The following FAM53A variants were observed in gnomAD, a reference collection of about 807,000 sequenced individuals.
The protein encoded by FAM53A is protein FAM53A.
A neutral mutation model predicts 26.6 loss-of-function variants in FAM53A; 28 were observed. The ratio of observed to expected loss-of-function variants is 1.05; its 90% confidence interval spans 0.78 to 1.45. The LOEUF (loss-of-function observed/expected upper bound fraction) is 1.45, where lower values mean the gene tolerates loss of function less well. Ranked by LOEUF, FAM53A falls within the 40% of genes most tolerant of loss-of-function variation. The pLI is 0.00. For synonymous variants in FAM53A, 290 were observed against 253.1 expected, an observed-to-expected ratio of 1.15 and a Z score of -1.38; for missense variants, 650 against 575.8, an observed-to-expected ratio of 1.13 and a Z score of -1.32.
intron 1 of FAM53A, among the ~76,000 whole-genome samples, chr4:1,677,783 A>G (rs544884257): frequency 6.6e-6 from 1 of 152,090 alleles, no homozygotes; most frequent in African/African-American, 2.4e-5. Context: ...CATCTCTACT[A>G]AAAATACAAA....
At chr4:1,621,101 C>CTTTTTTTTTTTTTTTTTT (rs574102929) in intron 1 of FAM53A, among the ~76,000 whole-genome samples, 10 of 95,522 alleles carry the variant, frequency 1.0e-4, no homozygotes, top group East Asian at 3.2e-4. Flanking sequence ...AGCTACGCTA[C>CTTTTTTTTTTTTTTTTTT]TTTTTTTTTT....
At chr4:1,644,400 G>GA (rs765520268) in intron 4 of FAM53A, 156 of 1,519,262 alleles carry the variant, frequency 1.0e-4, no homozygotes, top group Non-Finnish European at 1.3e-4. Context: ...CGGTGCAGGA[G>GA]AAAAAACTTC....
At chr4:1,602,621 G>A in the FAM53A span, among the ~76,000 whole-genome samples, 1 of 152,324 alleles carries the variant, frequency 6.6e-6, no homozygotes, top group Admixed American at 6.5e-5. Flanking sequence ...TTCAAAGCTG[G>A]GGGGAGAGAA....
At chr4:1,644,144 C>G in intron 4 of FAM53A, 2 of 1,521,916 alleles carry the variant, frequency 1.3e-6, no homozygotes, top group Non-Finnish European at 1.8e-6. Flanking sequence ...ACAGCACCAC[C>G]AGGCTGCACT....
chr4:1,595,840 T>C, the FAM53A span, among the ~76,000 whole-genome samples: 1 of 152,096 alleles, frequency 6.6e-6, no homozygotes, highest in Non-Finnish European at 1.5e-5. Flanking sequence ...CTTTGTCTCT[T>C]CCTCTCTTGT....
chr4:1,663,227 A>G (rs557280085), intron 2 of FAM53A, among the ~76,000 whole-genome samples: 2 of 152,320 alleles, frequency 1.3e-5, no homozygotes, highest in South Asian at 4.1e-4. Flanking sequence ...GAACTCTCAT[A>G]CATTGCTGCA....
intron 1 of FAM53A, among the ~76,000 whole-genome samples, chr4:1,669,761 GC>G (rs1337394777): frequency 6.6e-6 from 1 of 152,248 alleles, no homozygotes; most frequent in African/African-American, 2.4e-5. Flanking sequence ...CTCAGCAGCA[GC>G]CCTCTGCCCT....
chr4:1,664,702 G>C (rs1191374570), intron 2 of FAM53A, among the ~76,000 whole-genome samples: 2 of 152,310 alleles, frequency 1.3e-5, no homozygotes, highest in East Asian at 3.9e-4. Flanking sequence ...TCCTGGCCAG[G>C]CACGGTGGCT....
At position 1,656,218 on chromosome 4, in the gene FAM53A, T is replaced by A. The variant is rs147407979; in HGVS notation, c.137-495A>T. On this transcript the variant is annotated intron_variant, in intron 3 of 4. Transcript: ENST00000308132. ...CAGGGAGAGTCTGAGCCCCAGAAAC[T>A]CCTCACAAACCTCAGAGCCACCAGG... 1.8e-3 allele frequency among the ~76,000 whole-genome samples: 275 copies of A among 152,106 alleles called. 5 individuals are homozygous for A. In the East Asian group the frequency reaches 0.049, roughly 27 times the overall value.
chr4:1,639,470 C>T (rs2108795121), downstream of FAM53A, among the ~76,000 whole-genome samples: 1 of 152,324 alleles, frequency 6.6e-6, no homozygotes, highest in East Asian at 1.9e-4. Flanking sequence ...GAGCAGGTGA[C>T]ACTCTCTTGA....
chr4:1,625,975 AATCCTCCACAGG>A (rs1372154225), intron 1 of FAM53A, among the ~76,000 whole-genome samples: 1 of 152,172 alleles, frequency 6.6e-6, no homozygotes, highest in Admixed American at 6.5e-5. Flanking sequence ...CGCCCATCAG[AATCCTCCACAGG>A]ATCCTCTGCA....
the FAM53A span, among the ~76,000 whole-genome samples, chr4:1,596,909 G>A: frequency 2.0e-5 from 3 of 152,178 alleles, no homozygotes; most frequent in African/African-American, 7.2e-5. Flanking sequence ...GAGAAACGGA[G>A]GAGAGGGAGA....
At chr4:1,609,086 T>G in the FAM53A span, among the ~76,000 whole-genome samples, 1 of 152,074 alleles carries the variant, frequency 6.6e-6, no homozygotes. Flanking sequence ...CCCCAAGCCC[T>G]GGCTCCTGCT....
At position 1,641,587 on chromosome 4, in the gene FAM53A, G is replaced by T. The variant is rs767437844; in HGVS notation, c.903C>A (p.Ser301Arg). 5.0e-6 allele frequency: 8 copies of T among 1,614,120 alleles called. No homozygotes were observed. In the South Asian group the frequency reaches 8.8e-5, roughly 18 times the overall value. Reference protein sequence around the residue: ...KMTQTLKNSKSLCSLNYEDDD... With the variant: ...KMTQTLKNSKRLCSLNYEDDD... ...CATCTTCGTAATTGAGGGAGCAAAG[G>T]CTTTTTGAATTTTTTAAAGTCTGCA... The change falls in exon 5 of 5, where the codon AGC (serine) becomes AGA (arginine). Residue 301 changes from serine (S) to arginine (R), a missense_variant. Transcript: ENST00000308132.
intron 4 of FAM53A, among the ~76,000 whole-genome samples, chr4:1,653,868 C>T (rs373501987): frequency 8.9e-4 from 136 of 152,350 alleles, no homozygotes; most frequent in African/African-American, 3.1e-3. Context: ...GTGGCCAGGT[C>T]GAGGAGGACC....
intron 4 of FAM53A, among the ~76,000 whole-genome samples, chr4:1,645,605 CT>C: frequency 6.6e-6 from 1 of 152,328 alleles, no homozygotes; most frequent in Non-Finnish European, 1.5e-5. Flanking sequence ...CGTGCAGCCA[CT>C]GATGGCACCG....
At chr4:1,593,416 G>A in the FAM53A span, among the ~76,000 whole-genome samples, 2 of 152,096 alleles carry the variant, frequency 1.3e-5, no homozygotes, top group African/African-American at 2.4e-5. Flanking sequence ...GTCGCCCCGC[G>A]CCCCACGCCC....
chr4:1,608,807 A>G, the FAM53A span, among the ~76,000 whole-genome samples: 29 of 152,248 alleles, frequency 1.9e-4, no homozygotes, highest in Non-Finnish European at 3.5e-4. Context: ...ACTTCTGCTG[A>G]GCTGTGAAGC....
chr4:1,590,405 T>C, the FAM53A span, among the ~76,000 whole-genome samples: 1 of 152,144 alleles, frequency 6.6e-6, no homozygotes, highest in South Asian at 2.1e-4. Context: ...TGCTCCCTCA[T>C]TTGATGCTGG....
Sources: allele counts gnomAD v4.1 joint callset (sites outside exome capture counted in the v4.1 genomes callset), GRCh38; gene constraint gnomAD v4.1.1; transcripts MANE v1.5; gene names NCBI Gene and HGNC (gene_info 2026-07-23, HGNC 2026-07-21).